CDH13: variants seen among roughly 807,000 people sequenced by gnomAD.
CDH13 encodes cadherin 13.
In CDH13, 24 loss-of-function variants were observed where a neutral mutation model predicts 63.8. That is an observed-to-expected ratio of 0.38 (90% CI 0.27 to 0.53). CDH13 has a LOEUF of 0.53. Ranked by LOEUF, CDH13 falls within the 20% of genes least tolerant of loss-of-function variation. CDH13 has a pLI of 0.85. For synonymous variants in CDH13, 503 were observed against 355.3 expected (o/e 1.42, Z -4.67); for missense variants, 1,049 against 903.1 (o/e 1.16, Z -2.07).
At chr16:83,471,130 A>G (rs906462962) in intron 6 of CDH13, among the ~76,000 whole-genome samples, 8 of 152,248 alleles carry the variant, frequency 5.3e-5, no homozygotes, top group African/African-American at 1.7e-4. Context: ...GCCCACCCAG[A>G]TAATCTAGGA....
chr16:83,308,824 C>T (rs2089937155), intron 5 of CDH13, among the ~76,000 whole-genome samples: 1 of 152,208 alleles, frequency 6.6e-6, no homozygotes. Context: ...AGAATCTTTG[C>T]AGAAGTTGAA....
At chr16:82,908,851 A>C (rs2041732083) in intron 2 of CDH13, among the ~76,000 whole-genome samples, 1 of 152,194 alleles carries the variant, frequency 6.6e-6, no homozygotes, top group Non-Finnish European at 1.5e-5. Context: ...GTTTGAACTG[A>C]ATGGCTCCAC....
chr16:82,656,118 A>G (rs1911263998), intron 1 of CDH13, among the ~76,000 whole-genome samples: 1 of 152,232 alleles, frequency 6.6e-6, no homozygotes, highest in East Asian at 1.9e-4. Context: ...CAGAGTTATC[A>G]GTGAAAAGAT....
intron 2 of CDH13, among the ~76,000 whole-genome samples, chr16:83,007,975 C>T (rs550529597): frequency 7.2e-5 from 11 of 152,188 alleles, no homozygotes; most frequent in South Asian, 6.3e-4. Context: ...ACCTACCTAC[C>T]GACTTACTTG....
intron 6 of CDH13, among the ~76,000 whole-genome samples, chr16:83,464,250 C>T (rs576523541): frequency 2.6e-5 from 4 of 152,028 alleles, no homozygotes; most frequent in African/African-American, 4.8e-5. Context: ...TGGTGGCTCA[C>T]GCCTGTAATC....
Position 82,633,658 on chromosome 16 carries a change from G to A in CDH13, c.45+6521G>A, listed in dbSNP as rs369535587. 1.1e-4 allele frequency among the ~76,000 whole-genome samples: 16 copies of A among 152,296 alleles called. 1 individual carries two copies. The South Asian group carries it at 2.7e-3, about 26-fold the overall frequency. On this transcript the variant is annotated intron_variant, in intron 1 of 13. Coordinates refer to ENST00000567109, the MANE Select transcript of CDH13 (RefSeq NM_001257.5). Reference sequence around the variant, plus strand: ...TCCCCAAGTGCTGGGATAAACAGACGTGAGCCACTGCGCCTGGCCAAGTAC... The same window carrying A: ...TCCCCAAGTGCTGGGATAAACAGACATGAGCCACTGCGCCTGGCCAAGTAC...
intron 1 of CDH13, among the ~76,000 whole-genome samples, chr16:82,837,904 C>T (rs912303874): frequency 6.6e-6 from 1 of 152,230 alleles, no homozygotes; most frequent in African/African-American, 2.4e-5. Context: ...TTCCCAGATG[C>T]CAGCCAAGGG....
At chr16:82,830,038 T>C (rs2038457126) in intron 1 of CDH13, among the ~76,000 whole-genome samples, 1 of 152,220 alleles carries the variant, frequency 6.6e-6, no homozygotes, top group Non-Finnish European at 1.5e-5. Flanking sequence ...TTCATAGATA[T>C]ATCTCATTTA....
chr16:83,445,452 C>G (rs2072658728), intron 6 of CDH13, among the ~76,000 whole-genome samples: 1 of 152,104 alleles, frequency 6.6e-6, no homozygotes, highest in Non-Finnish European at 1.5e-5. Context: ...TCAATTTCCT[C>G]AGGCTTCTGG....
chr16:83,748,332 C>G (rs1912780606), intron 11 of CDH13, 82 bp downstream of exon 11: 5 of 1,298,586 alleles, frequency 3.9e-6, no homozygotes, highest in Non-Finnish European at 5.3e-6. Flanking sequence ...TTCTGATACA[C>G]CCAGGGGTGT....
At chr16:82,863,748 C>T (rs993287483) in intron 2 of CDH13, among the ~76,000 whole-genome samples, 1 of 152,144 alleles carries the variant, frequency 6.6e-6, no homozygotes, top group Admixed American at 6.5e-5. Flanking sequence ...TAATGGCCAT[C>T]TGAAATTGGC....
rs564693525 is a variant in CDH13 at position 83,061,564 on chromosome 16, A to G, written c.366+29346A>G. Among the ~76,000 whole-genome samples, 3 of 152,262 alleles carry G rather than the reference A, an allele frequency of 2.0e-5. No individual in the cohort carries two copies. In the South Asian group the frequency reaches 6.2e-4, roughly 32 times the overall value. ...GGTGTGCTAGGGAAGATGTTCTCCT[A>G]TGTCCTGAATGACCAGCAGCAGAGG... On this transcript the variant is annotated intron_variant, in intron 3 of 13. Coordinates refer to ENST00000567109, the MANE Select transcript of CDH13 (RefSeq NM_001257.5).
intron 6 of CDH13, among the ~76,000 whole-genome samples, chr16:83,481,958 G>C (rs755763465): frequency 6.6e-6 from 1 of 152,166 alleles, no homozygotes; most frequent in Admixed American, 6.5e-5. Context: ...AGAGGCACAG[G>C]CATCACCCAC....
intron 2 of CDH13, among the ~76,000 whole-genome samples, chr16:82,999,210 T>G (rs1032244313): frequency 6.6e-6 from 1 of 152,200 alleles, no homozygotes; most frequent in Non-Finnish European, 1.5e-5. Context: ...AACTTCCTTA[T>G]TGTAGATACT....
chr16:83,693,740 C>T (rs907933628), intron 10 of CDH13, among the ~76,000 whole-genome samples: 1 of 152,178 alleles, frequency 6.6e-6, no homozygotes, highest in Non-Finnish European at 1.5e-5. Flanking sequence ...CTTGATTTTG[C>T]AATTTTTCTA....
At chr16:83,447,947 C>T (rs1005577536) in intron 6 of CDH13, among the ~76,000 whole-genome samples, 1 of 152,000 alleles carries the variant, frequency 6.6e-6, no homozygotes, top group African/African-American at 2.4e-5. Context: ...CCCCAGTCTC[C>T]TCTGTTACAG....
intron 11 of CDH13, among the ~76,000 whole-genome samples, chr16:83,754,865 T>C (rs1353221743): frequency 6.6e-6 from 1 of 152,162 alleles, no homozygotes; most frequent in Non-Finnish European, 1.5e-5. Flanking sequence ...CATCATCCTA[T>C]CTGACTAATA....
chr16:82,916,115 C>A (rs2041979188), intron 2 of CDH13, among the ~76,000 whole-genome samples: 2 of 151,902 alleles, frequency 1.3e-5, no homozygotes. Flanking sequence ...TTGATTTTAC[C>A]TGGGAGTCCA....
chr16:83,658,936 C>T (rs1451558169), intron 8 of CDH13, among the ~76,000 whole-genome samples: 11 of 136,800 alleles, frequency 8.0e-5, no homozygotes, highest in South Asian at 2.6e-4. Context: ...CAGCAAGGTC[C>T]CATGTCCTCA....
Sources: allele counts gnomAD v4.1 joint callset (sites outside exome capture counted in the v4.1 genomes callset), GRCh38; gene constraint gnomAD v4.1.1; transcripts MANE v1.5; gene names NCBI Gene and HGNC (gene_info 2026-07-23, HGNC 2026-07-21).